MAST2: variants seen among roughly 807,000 people sequenced by gnomAD.
The protein encoded by MAST2 is microtubule-associated serine/threonine-protein kinase 2.
Under a neutral mutation model 147.4 loss-of-function variants are expected in MAST2, and 70 were observed. The observed-to-expected ratio is 0.47, with a 90% CI of 0.39 to 0.58. The LOEUF is 0.58. MAST2 is among the 20% of genes least tolerant of loss of function. The probability of loss-of-function intolerance (pLI) is 0.00; values close to 1 mark genes in which losing one functional copy is unlikely to be tolerated. For missense variants in MAST2, 2,080 were observed against 2,302.3 expected (o/e 0.90, Z 1.98); for synonymous variants, 869 against 896.8 (o/e 0.97, Z 0.55).
At chr1:45,940,879 A>G (rs1657157787) in intron 4 of MAST2, among the ~76,000 whole-genome samples, 1 of 152,148 alleles carries the variant, frequency 6.6e-6, no homozygotes, top group Admixed American at 6.5e-5. Context: ...TCAGCCTCCC[A>G]AAGTGCTGGG....
chr1:45,919,001 T>TA, intron 4 of MAST2, among the ~76,000 whole-genome samples: 1 of 152,246 alleles, frequency 6.6e-6, no homozygotes, highest in African/African-American at 2.4e-5. Context: ...CGCGTACCTG[T>TA]AATCCCTGCT....
intron 4 of MAST2, among the ~76,000 whole-genome samples, chr1:45,954,476 T>C (rs1659378743): frequency 1.3e-5 from 2 of 152,186 alleles, no homozygotes; most frequent in Admixed American, 1.3e-4. Flanking sequence ...TCACTCCAAG[T>C]AGCCAAGTGA....
At chr1:46,027,966 A>G in intron 17 of MAST2, 103 bp downstream of exon 17, 1 of 1,453,596 alleles carries the variant, frequency 6.9e-7, no homozygotes, top group South Asian at 1.3e-5. Flanking sequence ...CTGAGGCAGG[A>G]GGATCGCTTG....
chr1:45,817,902 C>A (rs1644505160), intron 1 of MAST2, among the ~76,000 whole-genome samples: 1 of 151,932 alleles, frequency 6.6e-6, no homozygotes. Flanking sequence ...CACATTTTCG[C>A]CAATGAGAAA....
chr1:45,989,064 C>T (rs1644760024), intron 5 of MAST2, among the ~76,000 whole-genome samples: 1 of 152,122 alleles, frequency 6.6e-6, no homozygotes, highest in South Asian at 2.1e-4. Context: ...TGACCAAAGA[C>T]ATATAGTATT....
At chr1:45,960,893 G>A (rs1438571135) in intron 5 of MAST2, among the ~76,000 whole-genome samples, 3 of 152,218 alleles carry the variant, frequency 2.0e-5, no homozygotes, top group Non-Finnish European at 4.4e-5. Context: ...ATCAAGCTGA[G>A]TAAGATGTGT....
intron 4 of MAST2, among the ~76,000 whole-genome samples, chr1:45,952,732 G>A (rs527878194): frequency 9.2e-5 from 14 of 152,234 alleles, no homozygotes; most frequent in Middle Eastern, 3.4e-3. Context: ...ATCCATACTT[G>A]CTAAATTAGC....
chr1:45,949,069 A>G (rs1385672251), intron 4 of MAST2, among the ~76,000 whole-genome samples: 2 of 152,100 alleles, frequency 1.3e-5, no homozygotes, highest in African/African-American at 2.4e-5. Context: ...CCTTTACATC[A>G]TATACAAAAA....
intron 4 of MAST2, among the ~76,000 whole-genome samples, chr1:45,910,402 A>T (rs1570671525): frequency 1.3e-5 from 2 of 152,300 alleles, no homozygotes; most frequent in East Asian, 1.9e-4. Flanking sequence ...TGAATTAAAA[A>T]TTTTTGTAAG....
chr1:46,008,225 TG>T, intron 8 of MAST2, 70 bp from the exon 9 acceptor site: 1 of 1,031,962 alleles, frequency 9.7e-7, no homozygotes, highest in Non-Finnish European at 1.5e-6. Context: ...GCAGGGTCTC[TG>T]GGGATGGCCA....
rs1204087749 is a variant in MAST2, at chr1:45,827,349, TTTTA to T, written c.326-2082_326-2079del. On this transcript the variant is annotated intron_variant, in intron 2 of 28. Transcript: ENST00000361297. The stretch of plus-strand genomic sequence containing the variant: ...CTGTTTGTTTATGTTGTTCCTTCCG[TTTTA>T]TTTATTTTCCTCAAGTTCTTGGCAG... 3.3e-5 allele frequency among the ~76,000 whole-genome samples: 5 copies of T among 152,214 alleles called. No individual in the cohort carries two copies. The East Asian group carries it at 9.6e-4, about 29-fold the overall frequency.
In MAST2 at chr1:46,035,781, GAC is replaced by G; in HGVS notation, c.5116_5117del (p.Gln1706AlafsTer3). The G allele has an allele frequency of 6.2e-7, 1 of 1,614,092 alleles. No homozygotes were observed. Among genetic ancestry groups the G allele is most frequent in the Non-Finnish European group, 8.5e-7 (1 of 1,180,026 alleles). On this transcript the variant is annotated frameshift_variant, in exon 29 of 29. Transcript: ENST00000361297. LOFTEE classifies it low-confidence loss of function (END_TRUNC). The surrounding 1 kb of genome is among the most constrained non-coding windows in gnomAD (Gnocchi z 5.5). ...ACCTGTCTCCCAGGGAGCAGGGGAA[GAC>G]ACAGCCACCTAGTGCCCCCAGACTG... ...KNLSPREQGKTQPPSAPRLAH... is the reference protein window; with the variant it reads ...KNLSPREQGKXQPPSAPRLAH...
chr1:45,868,189 C>T (rs1014924592), intron 3 of MAST2, among the ~76,000 whole-genome samples: 1 of 151,372 alleles, frequency 6.6e-6, no homozygotes, highest in African/African-American at 2.4e-5. Flanking sequence ...TTTCATCTTA[C>T]ATCTACTTTT....
At chr1:45,924,597 G>A (rs978690496) in intron 4 of MAST2, among the ~76,000 whole-genome samples, 3 of 152,086 alleles carry the variant, frequency 2.0e-5, no homozygotes, top group African/African-American at 7.2e-5. Flanking sequence ...TCATGTCAGT[G>A]GCCATATTAG....
At chr1:45,947,316 A>G (rs1041324061) in intron 4 of MAST2, among the ~76,000 whole-genome samples, 143 of 141,616 alleles carry the variant, frequency 1.0e-3, no homozygotes, top group Admixed American at 2.2e-3. Context: ...TAAAAAAAAA[A>G]AAAAAAAAAA....
At chr1:45,966,068 C>G (rs1444864993) in intron 5 of MAST2, among the ~76,000 whole-genome samples, 1 of 152,196 alleles carries the variant, frequency 6.6e-6, no homozygotes, top group Non-Finnish European at 1.5e-5. Context: ...AATCTTTTGA[C>G]TGTCTCCACA....
chr1:45,939,089 A>T (rs1395040495), intron 4 of MAST2, among the ~76,000 whole-genome samples: 1 of 151,930 alleles, frequency 6.6e-6, no homozygotes, highest in Non-Finnish European at 1.5e-5. Context: ...TTTGGTATCT[A>T]AGAACTTACT....
chr1:45,996,660 A>G (rs1645069210), intron 5 of MAST2, among the ~76,000 whole-genome samples: 1 of 152,156 alleles, frequency 6.6e-6, no homozygotes, highest in Non-Finnish European at 1.5e-5. Flanking sequence ...TATATAATTG[A>G]TACAGAGGTG....
chr1:46,005,024 G>A (rs1319353846), intron 7 of MAST2, among the ~76,000 whole-genome samples: 2 of 152,020 alleles, frequency 1.3e-5, no homozygotes, highest in African/African-American at 4.8e-5. Flanking sequence ...CTATGATAAC[G>A]CCACTGCACT....
Sources: gnomAD v4.1 joint callset for allele counts (sites outside exome capture counted in the v4.1 genomes callset) on GRCh38, gnomAD v4.1.1 for gene constraint, Gnocchi (gnomAD v3.1) non-coding constraint, MANE v1.5 for transcripts, NCBI Gene and HGNC (gene_info 2026-07-23, HGNC 2026-07-21) for gene names.